Variants in PLCH1 observed in about 807,000 individuals in gnomAD.
The protein encoded by PLCH1 is phospholipase C eta 1.
Under a neutral mutation model 126.7 loss-of-function variants are expected in PLCH1, and 60 were observed. The observed-to-expected ratio is 0.47, with a 90% CI of 0.38 to 0.59. The LOEUF (loss-of-function observed/expected upper bound fraction) is 0.59, where lower values mean the gene tolerates loss of function less well. Ranked by LOEUF, PLCH1 falls within the 20% of genes least tolerant of loss-of-function variation. PLCH1 has a pLI of 0.00. For synonymous variants in PLCH1, 719 were observed against 734.9 expected, an observed-to-expected ratio of 0.98 and a Z score of 0.35; for missense variants, 1,723 against 2,040.0, an observed-to-expected ratio of 0.84 and a Z score of 2.99.
chr3:155,659,302 C>CCT (rs1741822119), intron 2 of PLCH1, among the ~76,000 whole-genome samples: 1 of 30,796 alleles, frequency 3.2e-5, no homozygotes, highest in Non-Finnish European at 7.2e-5. Flanking sequence ...CTATTCACTT[C>CCT]TTTTTTTTTT....
intron 10 of PLCH1, among the ~76,000 whole-genome samples, chr3:155,525,598 CAT>C (rs1185708160): frequency 1.3e-5 from 2 of 152,156 alleles, no homozygotes; most frequent in Admixed American, 1.3e-4. Context: ...AAGCAGGTTA[CAT>C]GTGTCCTTAA....
intron 4 of PLCH1, among the ~76,000 whole-genome samples, chr3:155,589,003 TGA>T (rs1392775397): frequency 6.6e-6 from 1 of 152,218 alleles, no homozygotes; most frequent in East Asian, 1.9e-4. Flanking sequence ...AATTAAGATA[TGA>T]GTGTCCAATA....
intron 2 of PLCH1, among the ~76,000 whole-genome samples, chr3:155,637,556 A>C (rs1174429368): frequency 6.6e-6 from 1 of 152,224 alleles, no homozygotes; most frequent in Non-Finnish European, 1.5e-5. Context: ...TATTACCTAC[A>C]TTCAATTAGC....
At chr3:155,662,515 G>GTT (rs879290008) in intron 2 of PLCH1, among the ~76,000 whole-genome samples, 1 of 145,216 alleles carries the variant, frequency 6.9e-6, no homozygotes, top group Non-Finnish European at 1.5e-5. Flanking sequence ...ATATATACAA[G>GTT]TTTTTTTTTT....
intron 6 of PLCH1, among the ~76,000 whole-genome samples, chr3:155,571,482 C>T (rs1729222198): frequency 1.3e-5 from 2 of 152,178 alleles, no homozygotes; most frequent in African/African-American, 4.8e-5. Flanking sequence ...CTCACTGCAA[C>T]CTCTGCTTAC....
At chr3:155,739,695 G>A (rs1166838916) in intron 1 of PLCH1, among the ~76,000 whole-genome samples, 1 of 152,186 alleles carries the variant, frequency 6.6e-6, no homozygotes, top group Non-Finnish European at 1.5e-5. Flanking sequence ...GTAATAGGAT[G>A]TAACAGAACA....
intron 2 of PLCH1, among the ~76,000 whole-genome samples, chr3:155,630,700 C>T (rs1286023925): frequency 6.6e-6 from 1 of 152,138 alleles, no homozygotes; most frequent in Admixed American, 6.6e-5. Flanking sequence ...TTATGAGAAA[C>T]AGAGAAAAGA....
At chr3:155,595,506 G>A (rs80303467) in intron 3 of PLCH1, among the ~76,000 whole-genome samples, 3,126 of 152,208 alleles carry the variant, frequency 0.021, 121 homozygotes, top group African/African-American at 0.072. Flanking sequence ...TCTGGGACTT[G>A]CATCAGTGGC....
intron 2 of PLCH1, among the ~76,000 whole-genome samples, chr3:155,606,544 C>T (rs1269444582): frequency 2.0e-5 from 3 of 152,146 alleles, no homozygotes; most frequent in South Asian, 2.1e-4. Context: ...TAATTAGCTA[C>T]GTAGGAAATA....
chr3:155,536,204 C>T (rs148056833), intron 10 of PLCH1, among the ~76,000 whole-genome samples: 4 of 152,292 alleles, frequency 2.6e-5, no homozygotes, highest in East Asian at 1.9e-4. Context: ...TTCCCTCTGA[C>T]GTAGTCTACC....
chr3:155,701,065 C>T (rs1746237221), intron 2 of PLCH1, among the ~76,000 whole-genome samples: 1 of 152,160 alleles, frequency 6.6e-6, no homozygotes, highest in African/African-American at 2.4e-5. Context: ...TTTCTCTCAT[C>T]GCTGGACATA....
At chr3:155,625,860 C>A (rs1365178283) in intron 2 of PLCH1, among the ~76,000 whole-genome samples, 2 of 152,058 alleles carry the variant, frequency 1.3e-5, no homozygotes, top group African/African-American at 4.8e-5. Flanking sequence ...ACCATTTGAC[C>A]CAGCAATTCC....
At chr3:155,667,901 CT>C (rs370135585) in intron 2 of PLCH1, among the ~76,000 whole-genome samples, 2,131 of 107,806 alleles carry the variant, frequency 0.02, 176 homozygotes, top group Middle Eastern at 0.034. Context: ...CCCATCTCTA[CT>C]TAAAAAAAAA....
At chr3:155,588,697 G>A (rs1208423251) in intron 4 of PLCH1, among the ~76,000 whole-genome samples, 2 of 152,182 alleles carry the variant, frequency 1.3e-5, no homozygotes, top group Non-Finnish European at 1.5e-5. Context: ...CACGGAAATC[G>A]GCCTTGATTA....
intron 10 of PLCH1, among the ~76,000 whole-genome samples, chr3:155,532,463 C>A (rs1722828962): frequency 6.6e-6 from 1 of 152,110 alleles, no homozygotes; most frequent in Non-Finnish European, 1.5e-5. Flanking sequence ...TGTCCCCACC[C>A]AAATCTCATC....
chr3:155,717,270 A>G (rs995797129), intron 1 of PLCH1, among the ~76,000 whole-genome samples: 5 of 152,226 alleles, frequency 3.3e-5, no homozygotes, highest in African/African-American at 1.2e-4. Flanking sequence ...GGAGCAGTAT[A>G]CAAGCTGCCT....
intron 4 of PLCH1, among the ~76,000 whole-genome samples, chr3:155,592,511 A>AT (rs1553849400): frequency 1.3e-5 from 2 of 150,830 alleles, no homozygotes; most frequent in African/African-American, 4.9e-5. Context: ...AAAAAAAAAA[A>AT]TTGTGAGAAG....
At position 155,704,182 on chromosome 3, in the gene PLCH1, G is replaced by A. The variant is rs920380944; in HGVS notation, c.43C>T (p.Arg15Cys). ...CTGTTGTCCACCAGAAAATGCCTGCGGTACTGCACACAGTTCCTTTTTTCC... is the reference window on the plus strand; with the variant it reads ...CTGTTGTCCACCAGAAAATGCCTGCAGTACTGCACACAGTTCCTTTTTTCC... ...NLEKRNCVQY[R>C]RHFLVDNSVF... Residue 15 changes from arginine (R) to cysteine (C), a missense_variant, in exon 2 of 23, where the codon CGC becomes TGC. Transcript: ENST00000460012. 10 of 1,229,392 alleles carry A rather than the reference G, an allele frequency of 8.1e-6. No individual in the cohort carries two copies. Among genetic ancestry groups the A allele is most frequent in the Admixed American group, 4.2e-5 (1 of 23,688 alleles). 76.2% of individuals were successfully genotyped at this position (1,229,392 alleles called of 1,614,324 possible). A position where few individuals can be genotyped will look rare whatever the true frequency, so the allele number is the denominator to read the frequency against.
chr3:155,470,327 C>T (rs141252823), intron 21 of PLCH1, among the ~76,000 whole-genome samples: 4,234 of 151,682 alleles, frequency 0.028, 207 homozygotes, highest in African/African-American at 0.097. Context: ...AGGGTATCAG[C>T]GATAGAAGAT....
Sources: gnomAD v4.1 joint callset for allele counts (sites outside exome capture counted in the v4.1 genomes callset) on GRCh38, gnomAD v4.1.1 for gene constraint, MANE v1.5 for transcripts, NCBI Gene and HGNC (gene_info 2026-07-23, HGNC 2026-07-21) for gene names.